The following BMPR1A variants were observed in gnomAD, a reference collection of about 807,000 sequenced individuals.
BMPR1A encodes the protein bone morphogenetic protein receptor type 1A.
In BMPR1A, 7 loss-of-function variants were observed where a neutral mutation model predicts 66.0. The ratio of observed to expected loss-of-function variants is 0.11; its 90% confidence interval spans 0.06 to 0.20. The LOEUF (loss-of-function observed/expected upper bound fraction) is 0.20, where lower values mean the gene tolerates loss of function less well. Among genes scored for constraint, BMPR1A ranks in the 10% least tolerant of loss-of-function variants. The pLI, the probability that BMPR1A is intolerant of heterozygous loss-of-function variation, is 1.00. For missense variants in BMPR1A, 408 were observed against 669.1 expected, an observed-to-expected ratio of 0.61 and a Z score of 4.31; for synonymous variants, 200 against 229.7, an observed-to-expected ratio of 0.87 and a Z score of 1.17.
At chr10:86,840,809 C>T (rs1430986185) in intron 2 of BMPR1A, among the ~76,000 whole-genome samples, 1 of 152,144 alleles carries the variant, frequency 6.6e-6, no homozygotes, top group East Asian at 1.9e-4. Context: ...TGCTTCCTAC[C>T]CTTAGGCACA....
At chr10:86,863,855 A>T (rs1842745212) in intron 2 of BMPR1A, among the ~76,000 whole-genome samples, 1 of 152,198 alleles carries the variant, frequency 6.6e-6, no homozygotes, top group Admixed American at 6.5e-5. Context: ...AAAAATTTTT[A>T]AATAGTTACA....
At chr10:86,801,779 G>T (rs771656611) in intron 1 of BMPR1A, among the ~76,000 whole-genome samples, 4 of 151,958 alleles carry the variant, frequency 2.6e-5, no homozygotes, top group Admixed American at 6.6e-5. Context: ...AGTGGCGCAT[G>T]TTGGCTCACT....
rs930503218 is a variant in BMPR1A, at chr10:86,925,531, A to G, written c.*1812A>G. 2.5e-5 allele frequency: 5 copies of G among 201,726 alleles called. No individual in the cohort carries two copies. The highest frequency in any genetic ancestry group is 1.1e-4 in the African/African-American group (5 of 43,568). 12.5% of individuals were successfully genotyped at this position (201,726 alleles called of 1,614,324 possible). On this transcript the variant is annotated 3_prime_UTR_variant, in exon 13 of 13. Coordinates refer to ENST00000372037, the MANE Select transcript of BMPR1A (RefSeq NM_004329.3). ...ATTAAAGTCTGAAGTGTTCATCAAG[A>G]TAAGTAAATTTGCATATGGATAATA...
intron 2 of BMPR1A, among the ~76,000 whole-genome samples, chr10:86,853,872 A>T (rs1842605489): frequency 1.3e-5 from 2 of 152,332 alleles, no homozygotes; most frequent in African/African-American, 4.8e-5. Flanking sequence ...CGAAATTAAA[A>T]TTGCTAATGA....
chr10:86,894,854 G>T lies in BMPR1A; in HGVS notation c.333+2625G>T, dbSNP rs12571373. Among the ~76,000 whole-genome samples the T allele has an allele frequency of 2.8e-3, 427 of 152,308 alleles. 8 individuals carry two copies. In the East Asian group the frequency reaches 0.042, roughly 15 times the overall value. Reference sequence around the variant, plus strand: ...CCATATCCCTGGGTACACTCAGACTGTGTTATACAAGGGTAACGGGCACGT... The same window carrying T: ...CCATATCCCTGGGTACACTCAGACTTTGTTATACAAGGGTAACGGGCACGT... On this transcript the variant is annotated intron_variant, in intron 5 of 12. Coordinates refer to ENST00000372037, the MANE Select transcript of BMPR1A (RefSeq NM_004329.3).
In BMPR1A at chr10:86,830,548, A is replaced by G. The variant is rs1321263707; in HGVS notation, c.-267-8317A>G. On this transcript the variant is annotated intron_variant, in intron 1 of 12. Coordinates refer to ENST00000372037, the MANE Select transcript of BMPR1A (RefSeq NM_004329.3). ...TTAGCTGTGCCAGTAGGTGTGCAGCATAGTTTGGTTTGCGTTTCCCTGATG... is the reference window on the plus strand; with the variant it reads ...TTAGCTGTGCCAGTAGGTGTGCAGCGTAGTTTGGTTTGCGTTTCCCTGATG... Among the ~76,000 whole-genome samples, 10 of 152,298 alleles carry G rather than the reference A, an allele frequency of 6.6e-5. No homozygotes were observed. In the South Asian group the frequency reaches 1.9e-3, roughly 28 times the overall value.
intron 1 of BMPR1A, among the ~76,000 whole-genome samples, chr10:86,829,733 G>A (rs1316928226): frequency 1.3e-5 from 2 of 152,240 alleles, no homozygotes; most frequent in African/African-American, 4.8e-5. Context: ...ATCTATCCAA[G>A]TTGTGTGAAT....
At chr10:86,881,237 G>A (rs1056357427) in intron 3 of BMPR1A, among the ~76,000 whole-genome samples, 1 of 152,040 alleles carries the variant, frequency 6.6e-6, no homozygotes, top group African/African-American at 2.4e-5. Flanking sequence ...GCAAGACTCT[G>A]TCTCAAAAAA....
In BMPR1A at chr10:86,919,188, C is replaced by T. The variant is rs773569581; in HGVS notation, c.885C>T (p.Asp295=). 18 of 1,613,952 alleles carry T rather than the reference C, an allele frequency of 1.1e-5. 1 individual carries two copies. In the South Asian group the frequency reaches 1.5e-4, roughly 14 times the overall value. The change falls in exon 10 of 13, where the codon GAC becomes GAT. Residue 295 remains aspartate (D), a synonymous_variant. Transcript: ENST00000372037. ...HENILGFIAA[D]IKGTGSWTQL... ...ACTGGACAGGTTTCATAGCGGCAGA[C>T]ATTAAAGGTACAGGTTCCTGGACTC...
intron 1 of BMPR1A, among the ~76,000 whole-genome samples, chr10:86,833,405 A>G (rs1842300665): frequency 6.6e-6 from 1 of 152,238 alleles, no homozygotes; most frequent in African/African-American, 2.4e-5. Context: ...ATGAGAGCCT[A>G]CGTCAGACAA....
intron 1 of BMPR1A, among the ~76,000 whole-genome samples, chr10:86,822,147 T>C (rs1842129104): frequency 6.6e-6 from 1 of 152,186 alleles, no homozygotes; most frequent in South Asian, 2.1e-4. Flanking sequence ...TTTCTTGATC[T>C]ACATTTTATT....
At chr10:86,782,739 T>A (rs1219797996) in intron 1 of BMPR1A, among the ~76,000 whole-genome samples, 1 of 152,062 alleles carries the variant, frequency 6.6e-6, no homozygotes, top group African/African-American at 2.4e-5. Flanking sequence ...GTTTTTTTTT[T>A]ATTCTGGATA....
chr10:86,777,936 C>G (rs747930874), intron 1 of BMPR1A, among the ~76,000 whole-genome samples: 2 of 151,654 alleles, frequency 1.3e-5, no homozygotes, highest in African/African-American at 2.4e-5. Context: ...TTGCTTGAAC[C>G]CAGGAGGCAG....
intron 1 of BMPR1A, among the ~76,000 whole-genome samples, chr10:86,802,452 A>T (rs774992849): frequency 6.6e-6 from 1 of 152,240 alleles, no homozygotes; most frequent in South Asian, 2.1e-4. Context: ...TATACTGCAC[A>T]TACAAATGCT....
intron 1 of BMPR1A, among the ~76,000 whole-genome samples, chr10:86,784,047 A>T (rs1841477104): frequency 6.6e-6 from 1 of 152,172 alleles, no homozygotes; most frequent in Non-Finnish European, 1.5e-5. Context: ...CATGTATAAA[A>T]TCATGTCTTC....
In BMPR1A at chr10:86,902,198, A is replaced by T. The variant is rs369271692; in HGVS notation, c.530+2072A>T. ...GTAAAATATTGTTGAGTATGCTTTT[A>T]TTTTTCTTTTAAGAAAAGAACCATC... On this transcript the variant is annotated intron_variant, in intron 7 of 12. Transcript: ENST00000372037. 7.9e-5 allele frequency among the ~76,000 whole-genome samples: 12 copies of T among 152,022 alleles called. No individual in the cohort carries two copies. The South Asian group carries it at 2.1e-3, about 26-fold the overall frequency.
At chr10:86,848,473 T>A (rs1842517732) in intron 2 of BMPR1A, among the ~76,000 whole-genome samples, 1 of 152,148 alleles carries the variant, frequency 6.6e-6, no homozygotes, top group Non-Finnish European at 1.5e-5. Context: ...TTTTTGTGCT[T>A]AGACTTCCTA....
intron 9 of BMPR1A, 27 bp from the exon 10 acceptor site, chr10:86,919,145 A>G (rs778248460): frequency 9.9e-6 from 16 of 1,613,452 alleles, no homozygotes; most frequent in East Asian, 2.2e-5. Context: ...GATGATAACT[A>G]ACCTTTTAAA....
intron 2 of BMPR1A, among the ~76,000 whole-genome samples, chr10:86,848,158 C>G (rs143895500): frequency 1.2e-3 from 183 of 152,190 alleles, no homozygotes; most frequent in African/African-American, 4.1e-3. Context: ...GTCTTGAACT[C>G]CCGACCTCAA....
Sources: gnomAD v4.1 joint callset for allele counts (sites outside exome capture counted in the v4.1 genomes callset) on GRCh38, gnomAD v4.1.1 for gene constraint, MANE v1.5 for transcripts, NCBI Gene and HGNC (gene_info 2026-07-23, HGNC 2026-07-21) for gene names.